Variants in NRXN3 observed in about 807,000 individuals in gnomAD.
NRXN3 encodes neurexin III.
Under a neutral mutation model 137.6 loss-of-function variants are expected in NRXN3, and 32 were observed. That is an observed-to-expected ratio of 0.23 (90% confidence interval 0.18 to 0.31). The LOEUF is 0.31. Among genes scored for constraint, NRXN3 ranks in the 10% least tolerant of loss-of-function variants. NRXN3 has a pLI of 1.00. For missense variants in NRXN3, 1,574 were observed against 2,062.5 expected (o/e 0.76, Z 4.59); for synonymous variants, 798 against 784.5 (o/e 1.02, Z -0.29).
chr14:79,141,920 A>G (rs564425406), intron 15 of NRXN3, among the ~76,000 whole-genome samples: 1 of 152,318 alleles, frequency 6.6e-6, no homozygotes, highest in East Asian at 1.9e-4. Flanking sequence ...TAAACAAATC[A>G]ATCACTCTTG....
intron 4 of NRXN3, among the ~76,000 whole-genome samples, chr14:78,533,052 C>T (rs954587466): frequency 2.6e-5 from 4 of 151,296 alleles, no homozygotes; most frequent in Non-Finnish European, 2.9e-5. Flanking sequence ...CTTACTATGC[C>T]ACTACATCAG....
Position 78,696,727 on chromosome 14 carries a change from T to C in NRXN3, c.1222-12490T>C, listed in dbSNP as rs139537483. 1.5e-3 allele frequency among the ~76,000 whole-genome samples: 231 copies of C among 152,208 alleles called. 2 individuals carry two copies. Among genetic ancestry groups the C allele is most frequent in the African/African-American group, 5.4e-3 (225 of 41,506 alleles). On this transcript the variant is annotated intron_variant, in intron 6 of 20. Transcript: ENST00000335750. ...GTCCAGGTGAATTATTAATAGTGCCTCCTTCTTTTATTCTCAAAGGTATTG... is the reference window on the plus strand; with the variant it reads ...GTCCAGGTGAATTATTAATAGTGCCCCCTTCTTTTATTCTCAAAGGTATTG...
intron 1 of NRXN3, among the ~76,000 whole-genome samples, chr14:78,196,067 G>A (rs1414712674): frequency 6.6e-6 from 1 of 152,180 alleles, no homozygotes; most frequent in Non-Finnish European, 1.5e-5. Flanking sequence ...CGTTTCCCAT[G>A]GGCCAAGGAA....
Position 79,517,235 on chromosome 14 carries a change from A to G in NRXN3, c.3444+49833A>G, listed in dbSNP as rs996222150. On this transcript the variant is annotated intron_variant, in intron 16 of 20. Transcript: ENST00000335750. ...TTTTCTTTTTCTTATGATGAGTGAG[A>G]TTGTACATCTGTTTATATGTTTAGG... Among the ~76,000 whole-genome samples, 104 of 152,146 alleles carry G rather than the reference A, an allele frequency of 6.8e-4. 1 individual carries two copies. Among genetic ancestry groups the G allele is most frequent in the African/African-American group, 2.5e-3 (103 of 41,504 alleles).
intron 4 of NRXN3, among the ~76,000 whole-genome samples, chr14:78,331,037 A>G (rs1270984348): frequency 6.6e-6 from 1 of 152,146 alleles, no homozygotes; most frequent in Non-Finnish European, 1.5e-5. Context: ...TGCAAATTTT[A>G]AAGGGTCAGG....
chr14:78,350,800 G>T (rs1397618759), intron 4 of NRXN3, among the ~76,000 whole-genome samples: 1 of 152,046 alleles, frequency 6.6e-6, no homozygotes, highest in Admixed American at 6.5e-5. Flanking sequence ...CATATTTAGG[G>T]TGTGAGAGTT....
At position 78,368,554 on chromosome 14, in the gene NRXN3, G is replaced by A. The variant is rs548511735; in HGVS notation, c.757+70694G>A. ...TAAAAATACAAAAAAAATTAGCCAG[G>A]CACTGTGGCGAGCACCAGTAATTCC... On this transcript the variant is annotated intron_variant, in intron 4 of 20. Transcript: ENST00000335750. Among the ~76,000 whole-genome samples the A allele has an allele frequency of 2.6e-5, 4 of 152,254 alleles. No homozygotes were observed. The South Asian group carries it at 8.3e-4, about 32-fold the overall frequency.
At chr14:79,795,636 A>G (rs564710978) in intron 19 of NRXN3, among the ~76,000 whole-genome samples, 34 of 152,322 alleles carry the variant, frequency 2.2e-4, no homozygotes, top group Non-Finnish European at 3.8e-4. Flanking sequence ...TTCAAATACC[A>G]AAACTTGCTT....
At chr14:79,281,786 C>CCATA (rs1160473327) in intron 15 of NRXN3, 10 of 152,206 alleles carry the variant, frequency 6.6e-5, no homozygotes, top group African/African-American at 2.4e-4. Context: ...TGAGCGTGAA[C>CCATA]CATACTAGGG....
intron 19 of NRXN3, among the ~76,000 whole-genome samples, chr14:79,794,839 A>G (rs1235088100): frequency 6.6e-6 from 1 of 152,212 alleles, no homozygotes; most frequent in African/African-American, 2.4e-5. Context: ...GGGCATCAGG[A>G]ACACTATATG....
chr14:78,964,446 G>A (rs757109251), intron 11 of NRXN3, among the ~76,000 whole-genome samples: 1 of 152,194 alleles, frequency 6.6e-6, no homozygotes, highest in Non-Finnish European at 1.5e-5. Context: ...AAGGCAGCTT[G>A]CTCCAGCAAA....
In NRXN3 at chr14:79,862,004, TTCTA is replaced by T; in HGVS notation, c.*43_*46del. ...CTCACACGCGAGTTTTCACAGTTAT[TTCTA>T]TCCACGCCTATGAATCTTTGGACGG... On this transcript the variant is annotated 3_prime_UTR_variant, in exon 21 of 21. Coordinates refer to ENST00000335750, the MANE Select transcript of NRXN3 (RefSeq NM_001330195.2). The T allele has an allele frequency of 4.7e-6, 7 of 1,479,464 alleles. No homozygotes were observed. Among genetic ancestry groups the T allele is most frequent in the Non-Finnish European group, 6.5e-6 (7 of 1,081,438 alleles). 91.6% of individuals were successfully genotyped at this position (1,479,464 alleles called of 1,614,324 possible).
rs762157409 is a variant in NRXN3, at chr14:78,688,343, A to G, written c.1222-20874A>G. ...AGAGAGAGGTTCTCATGGTAGATAGAAACACAAGAGAGTATTGAATCTTAA... is the reference window on the plus strand; with the variant it reads ...AGAGAGAGGTTCTCATGGTAGATAGGAACACAAGAGAGTATTGAATCTTAA... On this transcript the variant is annotated intron_variant, in intron 6 of 20. Coordinates refer to ENST00000335750, the MANE Select transcript of NRXN3 (RefSeq NM_001330195.2). 2.6e-5 allele frequency among the ~76,000 whole-genome samples: 4 copies of G among 152,236 alleles called. No individual in the cohort carries two copies. In the South Asian group the frequency reaches 6.2e-4, roughly 24 times the overall value.
chr14:79,539,729 C>G (rs1357344924), intron 16 of NRXN3, among the ~76,000 whole-genome samples: 1 of 152,056 alleles, frequency 6.6e-6, no homozygotes, highest in Non-Finnish European at 1.5e-5. Flanking sequence ...AATTGTGTGT[C>G]TTCTGGCAAA....
chr14:78,263,630 A>G (rs1017696205), intron 2 of NRXN3, among the ~76,000 whole-genome samples: 7 of 151,954 alleles, frequency 4.6e-5, no homozygotes, highest in Non-Finnish European at 5.9e-5. Flanking sequence ...ATTCTGCTCC[A>G]TATGTATTCT....
At chr14:79,427,996 C>CGT (rs148388951) in intron 15 of NRXN3, among the ~76,000 whole-genome samples, 4 of 150,946 alleles carry the variant, frequency 2.6e-5, no homozygotes, top group Admixed American at 6.6e-5. Flanking sequence ...TGTGTGTGTG[C>CGT]GTGTGTGTGT....
intron 15 of NRXN3, among the ~76,000 whole-genome samples, chr14:79,213,735 A>G (rs1339015440): frequency 6.6e-6 from 1 of 151,746 alleles, no homozygotes; most frequent in Admixed American, 6.6e-5. Context: ...TAGAACTCCA[A>G]CTCTTTGCCC....
intron 15 of NRXN3, among the ~76,000 whole-genome samples, chr14:79,140,632 G>A (rs1419883564): frequency 6.7e-6 from 1 of 149,922 alleles, no homozygotes; most frequent in Non-Finnish European, 1.5e-5. Flanking sequence ...ATCTTTAATA[G>A]TGGTTTGTTA....
chr14:79,609,580 TGAG>T (rs2098072564), intron 16 of NRXN3, among the ~76,000 whole-genome samples: 1 of 152,172 alleles, frequency 6.6e-6, no homozygotes, highest in Non-Finnish European at 1.5e-5. Context: ...ATATCTTTAA[TGAG>T]GAGGTAATAA....
Sources: allele counts gnomAD v4.1 joint callset (sites outside exome capture counted in the v4.1 genomes callset), GRCh38; gene constraint gnomAD v4.1.1; transcripts MANE v1.5; gene names NCBI Gene and HGNC (gene_info 2026-07-23, HGNC 2026-07-21).